GGA2: variants seen among roughly 807,000 people sequenced by gnomAD.
GGA2 encodes the protein ADP-ribosylation factor-binding protein GGA2.
Under a neutral mutation model 79.5 loss-of-function variants are expected in GGA2, and 48 were observed. The observed-to-expected ratio is 0.60, with a 90% confidence interval of 0.48 to 0.77. The LOEUF (loss-of-function observed/expected upper bound fraction) is 0.77. Among genes scored for constraint, GGA2 ranks in the 30% least tolerant of loss-of-function variants. The pLI, the probability that GGA2 is intolerant of heterozygous loss-of-function variation, is 0.00. For synonymous variants in GGA2, 317 were observed against 302.0 expected (o/e 1.05, Z -0.51); for missense variants, 770 against 774.0 (o/e 0.99, Z 0.06).
chr16:23,491,688 A>G lies in GGA2; in HGVS notation c.464T>C (p.Leu155Pro). The G allele has an allele frequency of 6.2e-7, 1 of 1,613,212 alleles. No individual in the cohort carries two copies. Among genetic ancestry groups the G allele is most frequent in the Non-Finnish European group, 8.5e-7 (1 of 1,179,202 alleles). Residue 155 changes from leucine (L) to proline (P), a missense_variant, in exon 5 of 17, where the codon CTG becomes CCG. Transcript: ENST00000309859. ...DIKIRDAYQM[L>P]KKQGIIKQDP... ...AAGGCAAGTCAGACCTTGTTTCTTC[A>G]GCATCTGATAAGCGTCTCGAATCTT...
intron 1 of GGA2, among the ~76,000 whole-genome samples, chr16:23,504,013 G>A (rs2369012): frequency 0.74 from 111,664 of 151,608 alleles, 41,688 homozygotes; most frequent in Non-Finnish European, 0.81. Flanking sequence ...CCCGGGAGAC[G>A]GAGGTTGCGG....
In GGA2 at chr16:23,465,506, T is replaced by G; in HGVS notation, c.*2084A>C. 1 of 686,668 alleles carries G rather than the reference T, an allele frequency of 1.5e-6. No individual in the cohort carries two copies. Among genetic ancestry groups the G allele is most frequent in the Non-Finnish European group, 2.7e-6 (1 of 376,560 alleles). The allele number at this position is 686,668 out of a possible 1,614,324, so 42.5% of individuals were successfully genotyped here. ...AATGTTCAGGTACACATGTGTGAGT[T>G]CACCTCCTAACTATAGGGGAGAAAG... On this transcript the variant is annotated 3_prime_UTR_variant, in exon 17 of 17. Transcript: ENST00000309859.
chr16:23,501,265 C>T (rs772162595), intron 1 of GGA2: 26 of 454,380 alleles, frequency 5.7e-5, no homozygotes, highest in Non-Finnish European at 1.1e-4. Flanking sequence ...ATGGTAGCAT[C>T]GCTCTGTGTC....
chr16:23,512,223 T>C (rs1226038398), upstream of GGA2, among the ~76,000 whole-genome samples: 3 of 152,144 alleles, frequency 2.0e-5, no homozygotes, highest in African/African-American at 7.2e-5. Flanking sequence ...CCACTACCAT[T>C]TGTAAAGAGC....
chr16:23,467,763 G>T, intron 16 of GGA2, 63 bp from the exon 17 acceptor site: 1 of 798,300 alleles, frequency 1.3e-6, no homozygotes, highest in Non-Finnish European at 2.3e-6. Flanking sequence ...AGGGGTCAAT[G>T]TTAAGTCAAG....
At chr16:23,475,391 C>T (rs866375976) in intron 13 of GGA2, among the ~76,000 whole-genome samples, 3 of 151,316 alleles carry the variant, frequency 2.0e-5, no homozygotes, top group Admixed American at 6.6e-5. Context: ...GGTTTCACCA[C>T]GTTGGCCGCG....
At chr16:23,479,421 C>T (rs1011479134) in intron 11 of GGA2, among the ~76,000 whole-genome samples, 2 of 149,920 alleles carry the variant, frequency 1.3e-5, no homozygotes, top group Non-Finnish European at 3.0e-5. Flanking sequence ...GTCCAGCTCA[C>T]TCTCCTACTC....
chr16:23,486,928 C>T (rs1964721255), intron 6 of GGA2, 138 bp from the exon 7 acceptor site: 8 of 681,102 alleles, frequency 1.2e-5, no homozygotes, highest in Admixed American at 1.1e-4. Flanking sequence ...GGTCCAAGGA[C>T]ACTACGATGC....
At position 23,475,044 on chromosome 16, in the gene GGA2, T is replaced by C; in HGVS notation, c.1310A>G (p.Lys437Arg). Residue 437 changes from lysine to arginine, a missense_variant, in exon 14 of 17, where the codon AAA (lysine) becomes AGA (arginine). By Grantham distance (26) the Lys-to-Arg change is conservative. Coordinates refer to ENST00000309859, the MANE Select transcript of GGA2 (RefSeq NM_015044.4). Reference sequence around the variant, plus strand: ...TGGTGGCACTTCCTTGGGGACACTTTTCTGCGAAACATAATTCCTACAAAG... The same window carrying C: ...TGGTGGCACTTCCTTGGGGACACTTCTCTGCGAAACATAATTCCTACAAAG... Reference protein sequence around the residue: ...APCPLNYVSQKSVPKEVPPGT... With the variant: ...APCPLNYVSQRSVPKEVPPGT... 1 of 1,580,824 alleles carries C rather than the reference T, an allele frequency of 6.3e-7. No homozygotes were observed. Among genetic ancestry groups the C allele is most frequent in the African/African-American group, 1.4e-5 (1 of 72,914 alleles).
At chr16:23,475,536 A>G (rs1396121674) in intron 13 of GGA2, among the ~76,000 whole-genome samples, 2 of 152,046 alleles carry the variant, frequency 1.3e-5, no homozygotes, top group East Asian at 3.9e-4. Flanking sequence ...CAGCTTCCTC[A>G]TCTGTTAAAT....
At chr16:23,475,757 A>G (rs1310443369) in intron 13 of GGA2, among the ~76,000 whole-genome samples, 1 of 150,092 alleles carries the variant, frequency 6.7e-6, no homozygotes, top group Non-Finnish European at 1.5e-5. Context: ...TACAAAAATT[A>G]AAAAAAAATA....
At chr16:23,480,477 T>C in intron 10 of GGA2, 168 bp downstream of exon 10, 3 of 593,424 alleles carry the variant, frequency 5.1e-6, no homozygotes, top group Non-Finnish European at 8.7e-6. Flanking sequence ...CTCATGACAA[T>C]TCCTATGGCT....
chr16:23,474,872 A>G, intron 14 of GGA2, 32 bp downstream of exon 14: 2 of 1,546,564 alleles, frequency 1.3e-6, no homozygotes, highest in Non-Finnish European at 1.8e-6. Context: ...CAGGGAAAAA[A>G]AAAAAAAGGT....
intron 13 of GGA2, 109 bp downstream of exon 13, chr16:23,478,259 C>A: frequency 1.1e-4 from 68 of 622,664 alleles, no homozygotes; most frequent in East Asian, 1.3e-4. Context: ...AAAGATGTTT[C>A]TCCAGGGCGA....
In GGA2 at chr16:23,485,165, G is replaced by A. The variant is rs989708266; in HGVS notation, c.798+850C>T. On this transcript the variant is annotated intron_variant, in intron 8 of 16. Coordinates refer to ENST00000309859, the MANE Select transcript of GGA2 (RefSeq NM_015044.4). Reference sequence around the variant, plus strand: ...ACGTATTGTGCAACCGCATTTGGACGAAGCATCCAAATAAGCAAATCCAGA... The same window carrying A: ...ACGTATTGTGCAACCGCATTTGGACAAAGCATCCAAATAAGCAAATCCAGA... 4.3e-4 allele frequency among the ~76,000 whole-genome samples: 65 copies of A among 152,184 alleles called. 1 individual carries two copies. Among genetic ancestry groups the A allele is most frequent in the African/African-American group, 1.9e-4 (8 of 41,444 alleles).
At position 23,493,423 on chromosome 16, in the gene GGA2, C is replaced by A. The variant is rs969614986; in HGVS notation, c.288G>T (p.Lys96Asn). ...LEMCMNHCGE[K>N]FHSEVAKFRF... Reference sequence around the variant, plus strand: ...GAAATTTGGCCACCTCGCTGTGGAACTTCTCCCCACAGTGGTTCATGCACA... The same window carrying A: ...GAAATTTGGCCACCTCGCTGTGGAAATTCTCCCCACAGTGGTTCATGCACA... The change falls in exon 4 of 17, where the codon AAG becomes AAT. Residue 96 changes from lysine to asparagine, a missense_variant. Transcript: ENST00000309859. 1.2e-6 allele frequency: 2 copies of A among 1,612,300 alleles called. No individual in the cohort carries two copies. The highest frequency in any genetic ancestry group is 3.3e-5 in the Admixed American group (2 of 59,986).
At chr16:23,486,840 C>A (rs1964720168) in intron 6 of GGA2, 50 bp from the exon 7 acceptor site, 1 of 1,048,198 alleles carries the variant, frequency 9.5e-7, no homozygotes, top group Non-Finnish European at 1.5e-6. Flanking sequence ...TCCCTCAGGC[C>A]TAGAGCAGAA....
rs184717925 is a variant in GGA2, at chr16:23,507,214, A to C, written c.91+3107T>G. Among the ~76,000 whole-genome samples the C allele has an allele frequency of 2.2e-3, 342 of 152,290 alleles. 2 individuals are homozygous for C. Among genetic ancestry groups the C allele is most frequent in the African/African-American group, 8.0e-3 (332 of 41,544 alleles). ...AGGCACCAACTTCTGAAAACCCACG[A>C]TATTTCACTTAAGAATATAGGTTCT... On this transcript the variant is annotated intron_variant, in intron 1 of 16. Coordinates refer to ENST00000309859, the MANE Select transcript of GGA2 (RefSeq NM_015044.4).
chr16:23,486,602 T>C, intron 7 of GGA2, 108 bp downstream of exon 7: 2 of 777,802 alleles, frequency 2.6e-6, no homozygotes, highest in Non-Finnish European at 2.4e-6. Context: ...GGAGCCACTC[T>C]TTCTCCCAGG....
Sources: allele counts gnomAD v4.1 joint callset (sites outside exome capture counted in the v4.1 genomes callset), GRCh38; gene constraint gnomAD v4.1.1; transcripts MANE v1.5; gene names NCBI Gene and HGNC (gene_info 2026-07-23, HGNC 2026-07-21).